ITGA8: variants seen among roughly 807,000 people sequenced by gnomAD.
ITGA8 encodes integrin alpha-8.
A neutral mutation model predicts 142.3 loss-of-function variants in ITGA8; 91 were observed. The observed-to-expected ratio is 0.64, with a 90% CI of 0.54 to 0.76. The LOEUF (loss-of-function observed/expected upper bound fraction) is 0.76. ITGA8 is among the 30% of genes least tolerant of loss of function. The pLI is 0.00. For synonymous variants in ITGA8, 505 were observed against 485.2 expected (o/e 1.04, Z -0.54); for missense variants, 1,406 against 1,327.7 (o/e 1.06, Z -0.92).
intron 13 of ITGA8, among the ~76,000 whole-genome samples, chr10:15,627,729 A>T (rs1025080211): frequency 6.6e-6 from 1 of 152,096 alleles, no homozygotes; most frequent in African/African-American, 2.4e-5. Context: ...TCAGCCTTGG[A>T]GGTTGTTTTT....
chr10:15,594,007 A>T (rs1429470348), intron 21 of ITGA8, among the ~76,000 whole-genome samples: 1 of 151,700 alleles, frequency 6.6e-6, no homozygotes, highest in Non-Finnish European at 1.5e-5. Flanking sequence ...ACACCCAGCA[A>T]TTTTTTGTAT....
At position 15,677,534 on chromosome 10, in the gene ITGA8, G is replaced by T. The variant is rs370031951; in HGVS notation, c.676+58C>A. 8.0e-6 allele frequency: 11 copies of T among 1,381,994 alleles called. No homozygotes were observed. The African/African-American group carries it at 1.2e-4, about 14-fold the overall frequency. The allele number at this position is 1,381,994 out of a possible 1,614,324, so 85.6% of individuals were successfully genotyped here. A position where few individuals can be genotyped will look rare whatever the true frequency, so the allele number is the denominator to read the frequency against. The stretch of plus-strand genomic sequence containing the variant: ...AGTAAACATTTAACACTACTTCTGG[G>T]TCCATCCTTCTGTTAGTAACAACAA... On this transcript the variant is annotated intron_variant, in intron 6 of 29. Coordinates refer to ENST00000378076, the MANE Select transcript of ITGA8 (RefSeq NM_003638.3).
rs568995606 is a variant in ITGA8, at chr10:15,514,190, T to G, written c.*2968A>C. 1.3e-5 allele frequency: 2 copies of G among 152,256 alleles called. No individual in the cohort carries two copies. Among genetic ancestry groups the G allele is most frequent in the South Asian group, 4.2e-4 (2 of 4,818 alleles). The allele number at this position is 152,256 out of a possible 1,614,324, so 9.4% of individuals were successfully genotyped here. A position where few individuals can be genotyped will look rare whatever the true frequency, so the allele number is the denominator to read the frequency against. ...GCAAGAATTTAAAAAGGGAATTCTT[T>G]GAAGAGAAATACAGATAGACCCTCA... On this transcript the variant is annotated 3_prime_UTR_variant, in exon 30 of 30. Transcript: ENST00000378076.
intron 27 of ITGA8, among the ~76,000 whole-genome samples, chr10:15,535,434 G>T (rs1833409698): frequency 6.6e-6 from 1 of 152,188 alleles, no homozygotes; most frequent in Non-Finnish European, 1.5e-5. Context: ...TTTATGTCTA[G>T]CTAGGGGATT....
At position 15,537,935 on chromosome 10, in the gene ITGA8, C is replaced by CT. The variant is rs557727524; in HGVS notation, c.2881-6785_2881-6784insA. Among the ~76,000 whole-genome samples the CT allele has an allele frequency of 2.6e-5, 4 of 150,972 alleles. No individual in the cohort carries two copies. In the South Asian group the frequency reaches 8.4e-4, roughly 32 times the overall value. ...CAGTTTGAGACAAGCCTGGGTAGCA[C>CT]AGTGAGACTTCATCTCTACAAAAAA... is the stretch of plus-strand genomic sequence containing the variant. On this transcript the variant is annotated intron_variant, in intron 27 of 29. Coordinates refer to ENST00000378076, the MANE Select transcript of ITGA8 (RefSeq NM_003638.3).
chr10:15,600,552 G>A (rs536251777), intron 20 of ITGA8, among the ~76,000 whole-genome samples: 52 of 152,312 alleles, frequency 3.4e-4, no homozygotes, highest in African/African-American at 1.1e-3. Flanking sequence ...AGCATTTAGC[G>A]ATGAGGCTGA....
chr10:15,613,774 G>A lies in ITGA8; in HGVS notation c.1446-7C>T. On this transcript the variant is annotated splice_region_variant and splice_polypyrimidine_tract_variant and intron_variant, in intron 14 of 29. Coordinates refer to ENST00000378076, the MANE Select transcript of ITGA8 (RefSeq NM_003638.3). Reference sequence around the variant, plus strand: ...AGTCACAACCGGTCTTGCTCTGCGGGGAGAAAATGCAGGGTTTGTTTAAAT... The same window carrying A: ...AGTCACAACCGGTCTTGCTCTGCGGAGAGAAAATGCAGGGTTTGTTTAAAT... 1 of 1,596,872 alleles carries A rather than the reference G, an allele frequency of 6.3e-7. No homozygotes were observed. The highest frequency in any genetic ancestry group is 8.6e-7 in the Non-Finnish European group (1 of 1,164,404).
intron 9 of ITGA8, among the ~76,000 whole-genome samples, chr10:15,659,932 G>A (rs1834255170): frequency 1.3e-5 from 2 of 152,076 alleles, no homozygotes; most frequent in Admixed American, 1.3e-4. Flanking sequence ...ACAATTTGAT[G>A]TCAGACTTCT....
chr10:15,633,987 T>C (rs1443541314), intron 13 of ITGA8, among the ~76,000 whole-genome samples: 1 of 152,206 alleles, frequency 6.6e-6, no homozygotes, highest in East Asian at 1.9e-4. Context: ...TCTTGCTTTT[T>C]ATGACTGTGG....
intron 17 of ITGA8, among the ~76,000 whole-genome samples, chr10:15,606,751 CA>C (rs1177326460): frequency 6.6e-6 from 1 of 152,192 alleles, no homozygotes; most frequent in South Asian, 2.1e-4. Context: ...ATAAATGTCA[CA>C]AAAAACATCA....
Position 15,531,629 on chromosome 10 carries a change from T to G in ITGA8, c.2881-478A>C, listed in dbSNP as rs139909011. ...GACGGAAATATTTTAGGAGAGAAACTGGCAGTAAGTTATAAAGAAATGTAT... is the reference window on the plus strand; with the variant it reads ...GACGGAAATATTTTAGGAGAGAAACGGGCAGTAAGTTATAAAGAAATGTAT... On this transcript the variant is annotated intron_variant, in intron 27 of 29. Coordinates refer to ENST00000378076, the MANE Select transcript of ITGA8 (RefSeq NM_003638.3). 5.9e-3 allele frequency among the ~76,000 whole-genome samples: 897 copies of G among 152,256 alleles called. 8 individuals are homozygous for G. The highest frequency in any genetic ancestry group is 0.021 in the African/African-American group (872 of 41,552).
chr10:15,659,689 A>T (rs933216897), intron 9 of ITGA8, among the ~76,000 whole-genome samples: 1 of 152,232 alleles, frequency 6.6e-6, no homozygotes, highest in Non-Finnish European at 1.5e-5. Flanking sequence ...GAAATTAGTT[A>T]AGGATCTCAA....
intron 26 of ITGA8, among the ~76,000 whole-genome samples, chr10:15,556,020 T>TC (rs1833882816): frequency 1.4e-5 from 1 of 69,738 alleles, no homozygotes; most frequent in African/African-American, 5.9e-5. Flanking sequence ...CTCTCTCTCT[T>TC]TTTTTTTTTT....
chr10:15,628,927 A>G (rs1278492931), intron 13 of ITGA8, among the ~76,000 whole-genome samples: 4 of 152,008 alleles, frequency 2.6e-5, no homozygotes, highest in South Asian at 2.1e-4. Flanking sequence ...TTGTCTCTAC[A>G]ACAATCCTGA....
Position 15,646,829 on chromosome 10 carries a change from G to T in ITGA8, c.1207+17C>A, listed in dbSNP as rs774590052. On this transcript the variant is annotated intron_variant, in intron 12 of 29. Transcript: ENST00000378076. ...GTGACGACACATAAATGACTTCCAC[G>T]CTTTGGTTTAAATTACCATTGTATC... The T allele has an allele frequency of 6.2e-7, 1 of 1,601,902 alleles. No homozygotes were observed. The highest frequency in any genetic ancestry group is 1.1e-5 in the South Asian group (1 of 90,650).
intron 21 of ITGA8, among the ~76,000 whole-genome samples, chr10:15,595,155 TA>T (rs971205139): frequency 6.6e-6 from 1 of 152,192 alleles, no homozygotes; most frequent in Non-Finnish European, 1.5e-5. Flanking sequence ...AAATCAGAAG[TA>T]AAACTTCTGA....
intron 2 of ITGA8, among the ~76,000 whole-genome samples, chr10:15,699,977 A>G (rs995298881): frequency 6.6e-6 from 1 of 152,016 alleles, no homozygotes; most frequent in African/African-American, 2.4e-5. Flanking sequence ...GCCAGTTTAT[A>G]TTCTTTGCTC....
At chr10:15,613,464 T>C in intron 15 of ITGA8, 196 bp downstream of exon 15, 1 of 576,498 alleles carries the variant, frequency 1.7e-6, no homozygotes, top group East Asian at 2.9e-5. Flanking sequence ...TATCATAGGT[T>C]CTCTTGAAAG....
At chr10:15,674,830 C>T (rs1834595802) in intron 6 of ITGA8, among the ~76,000 whole-genome samples, 1 of 151,886 alleles carries the variant, frequency 6.6e-6, no homozygotes, top group East Asian at 1.9e-4. Flanking sequence ...GTCCCAGCTA[C>T]TCAGGAGGCA....
Sources: gnomAD v4.1 joint callset for allele counts (sites outside exome capture counted in the v4.1 genomes callset) on GRCh38, gnomAD v4.1.1 for gene constraint, MANE v1.5 for transcripts, NCBI Gene and HGNC (gene_info 2026-07-23, HGNC 2026-07-21) for gene names.